Variants in KIAA1586 observed in about 807,000 individuals in gnomAD.
KIAA1586 encodes the protein KIAA1586.
KIAA1586 carries 5 observed loss-of-function variants against 6.1 expected under a neutral mutation model. That is an observed-to-expected ratio of 0.82 (90% CI 0.43 to 1.73). KIAA1586 has a LOEUF of 1.73. Among genes scored for constraint, KIAA1586 ranks in the 40% most tolerant of loss-of-function variants. The pLI, the probability that KIAA1586 is intolerant of heterozygous loss-of-function variation, is 0.02. For synonymous variants in KIAA1586, 280 were observed against 301.7 expected, an observed-to-expected ratio of 0.93 and a Z score of 0.75; for missense variants, 899 against 878.2, an observed-to-expected ratio of 1.02 and a Z score of -0.30.
chr6:57,062,542 T>C, the KIAA1586 span, among the ~76,000 whole-genome samples: 6 of 152,292 alleles, frequency 3.9e-5, no homozygotes, highest in South Asian at 1.2e-3. Context: ...GAATTGACCA[T>C]TCAAAGTATT....
chr6:57,052,172 A>G (rs1159858139), intron 3 of KIAA1586, among the ~76,000 whole-genome samples: 1 of 152,194 alleles, frequency 6.6e-6, no homozygotes, highest in Admixed American at 6.5e-5. Context: ...CCGTGGATTC[A>G]CCCAACTGTA....
chr6:57,065,599 A>C, the KIAA1586 span, among the ~76,000 whole-genome samples: 1 of 147,618 alleles, frequency 6.8e-6, no homozygotes, highest in Non-Finnish European at 1.5e-5. Context: ...CAATCCTCCC[A>C]CCTCTACCTC....
At chr6:57,049,852 A>G (rs1405784451) in intron 2 of KIAA1586, among the ~76,000 whole-genome samples, 1 of 152,188 alleles carries the variant, frequency 6.6e-6, no homozygotes, top group African/African-American at 2.4e-5. Flanking sequence ...TGATGAGGGT[A>G]GTGTATATGT....
At chr6:57,061,997 T>C in the KIAA1586 span, among the ~76,000 whole-genome samples, 2 of 151,752 alleles carry the variant, frequency 1.3e-5, no homozygotes, top group African/African-American at 4.8e-5. Flanking sequence ...AATGGTGCGA[T>C]CTTGGCTTAC....
intron 2 of KIAA1586, among the ~76,000 whole-genome samples, chr6:57,049,780 T>C (rs1002320406): frequency 3.9e-5 from 6 of 152,190 alleles, no homozygotes; most frequent in African/African-American, 1.4e-4. Context: ...TGTTATTTAT[T>C]GATTCCTTTG....
At chr6:57,066,409 C>T in the KIAA1586 span, among the ~76,000 whole-genome samples, 1 of 152,026 alleles carries the variant, frequency 6.6e-6, no homozygotes, top group Non-Finnish European at 1.5e-5. Flanking sequence ...TTATTAAAAA[C>T]TACTTTTTAT....
the KIAA1586 span, among the ~76,000 whole-genome samples, chr6:57,062,537 G>C: frequency 1.3e-5 from 2 of 152,222 alleles, no homozygotes; most frequent in African/African-American, 4.8e-5. Flanking sequence ...TGTTTGAATT[G>C]ACCATTCAAA....
downstream of KIAA1586, among the ~76,000 whole-genome samples, chr6:57,057,751 C>CAA (rs540828091): frequency 7.1e-6 from 1 of 140,180 alleles, no homozygotes; most frequent in Non-Finnish European, 1.5e-5. Context: ...GACTCCAAGT[C>CAA]AAAAAAAAAC....
Position 57,046,705 on chromosome 6 carries a change from G to A in KIAA1586, c.-51G>A. 1.2e-6 allele frequency: 2 copies of A among 1,609,244 alleles called. No individual in the cohort carries two copies. The highest frequency in any genetic ancestry group is 2.2e-5 in the East Asian group (1 of 44,650). On this transcript the variant is annotated 5_prime_UTR_variant, in exon 1 of 4. Coordinates refer to ENST00000370733, the MANE Select transcript of KIAA1586 (RefSeq NM_020931.4). Reference sequence around the variant, plus strand: ...CGGGAAGGGGAGTGGTGGCGGCTGCGGCAGTAGGGACAGCAGGAGCAGTGG... The same window carrying A: ...CGGGAAGGGGAGTGGTGGCGGCTGCAGCAGTAGGGACAGCAGGAGCAGTGG...
In KIAA1586 at chr6:57,053,044, A is replaced by G. The variant is rs755406795; in HGVS notation, c.545A>G (p.Lys182Arg). Residue 182 changes from lysine to arginine, a missense_variant, in exon 4 of 4, where the codon AAG (lysine) becomes AGG (arginine). Lys to Arg is a conservative substitution (Grantham distance 26, BLOSUM62 2). Coordinates refer to ENST00000370733, the MANE Select transcript of KIAA1586 (RefSeq NM_020931.4). ...SKAEKHVHVS[K>R]EWIAYLVTPN... ...GCAGAAAAGCATGTCCATGTGTCCA[A>G]GGAATGGATTGCATATTTAGTAACC... is the stretch of plus-strand genomic sequence containing the variant. 2 of 1,613,796 alleles carry G rather than the reference A, an allele frequency of 1.2e-6. No individual in the cohort carries two copies. Among genetic ancestry groups the G allele is most frequent in the Admixed American group, 1.7e-5 (1 of 59,958 alleles).
chr6:57,062,089 G>A, the KIAA1586 span, among the ~76,000 whole-genome samples: 13,572 of 151,738 alleles, frequency 0.089, 672 homozygotes, highest in East Asian at 0.096. Flanking sequence ...GTGCCACCAC[G>A]TTGGGCTAAT....
the KIAA1586 span, among the ~76,000 whole-genome samples, chr6:57,066,662 C>T: frequency 6.6e-6 from 1 of 152,200 alleles, no homozygotes; most frequent in Non-Finnish European, 1.5e-5. Flanking sequence ...CTGATGCTCG[C>T]AACTGCATGT....
downstream of KIAA1586, among the ~76,000 whole-genome samples, chr6:57,057,049 A>T (rs1006166414): frequency 6.6e-6 from 1 of 151,882 alleles, no homozygotes; most frequent in African/African-American, 2.4e-5. Flanking sequence ...TAATATGGTG[A>T]AACCCCATCT....
At chr6:57,061,967 C>T in the KIAA1586 span, among the ~76,000 whole-genome samples, 2 of 149,766 alleles carry the variant, frequency 1.3e-5, no homozygotes, top group African/African-American at 4.9e-5. Context: ...GGTCTCACTC[C>T]GTTGCCCAGG....
At chr6:57,065,175 T>C in the KIAA1586 span, among the ~76,000 whole-genome samples, 3 of 152,190 alleles carry the variant, frequency 2.0e-5, no homozygotes, top group African/African-American at 7.2e-5. Flanking sequence ...TGCTTTTCCT[T>C]TTGACTCTGC....
chr6:57,049,455 G>A (rs1828266261), intron 2 of KIAA1586, among the ~76,000 whole-genome samples: 1 of 152,066 alleles, frequency 6.6e-6, no homozygotes, highest in Admixed American at 6.5e-5. Flanking sequence ...TATAAATGTT[G>A]ATTATCTAGC....
At position 57,055,131 on chromosome 6, in the gene KIAA1586, A is replaced by G. The variant is rs527852974; in HGVS notation, c.*268A>G. 1.9e-4 allele frequency: 40 copies of G among 214,012 alleles called. No homozygotes were observed. In the South Asian group the frequency reaches 5.1e-3, roughly 27 times the overall value. The allele number at this position is 214,012 out of a possible 1,614,324, so 13.3% of individuals were successfully genotyped here. On this transcript the variant is annotated 3_prime_UTR_variant, in exon 4 of 4. Coordinates refer to ENST00000370733, the MANE Select transcript of KIAA1586 (RefSeq NM_020931.4). ...ACCGTTTATAATTTTGTACTGTTTT[A>G]CTTTAAGTAAGGATGCAAAAAATAG...
downstream of KIAA1586, among the ~76,000 whole-genome samples, chr6:57,056,179 G>A (rs556388699): frequency 1.3e-5 from 2 of 150,828 alleles, no homozygotes; most frequent in South Asian, 4.2e-4. Context: ...CTCCCGAGTA[G>A]CTAGGATTAC....
chr6:57,050,209 A>G (rs749855955), intron 2 of KIAA1586, among the ~76,000 whole-genome samples: 33 of 149,816 alleles, frequency 2.2e-4, no homozygotes, highest in Non-Finnish European at 4.1e-4. Context: ...TTATTCCTCT[A>G]TATAGATTTA....
Sources: gnomAD v4.1 joint callset for allele counts (sites outside exome capture counted in the v4.1 genomes callset) on GRCh38, gnomAD v4.1.1 for gene constraint, MANE v1.5 for transcripts, NCBI Gene and HGNC (gene_info 2026-07-23, HGNC 2026-07-21) for gene names.